The following NPAS3 variants were observed in gnomAD, a reference collection of about 807,000 sequenced individuals.
The protein encoded by NPAS3 is neuronal PAS domain-containing protein 3.
In NPAS3, 14 loss-of-function variants were observed where a neutral mutation model predicts 73.1. The ratio of observed to expected loss-of-function variants is 0.19; its 90% CI spans 0.13 to 0.30. The LOEUF is 0.30. Ranked by LOEUF, NPAS3 falls within the 10% of genes least tolerant of loss-of-function variation. The probability of loss-of-function intolerance (pLI) is 1.00; values close to 1 mark genes in which losing one functional copy is unlikely to be tolerated. For synonymous variants in NPAS3, 620 were observed against 541.5 expected (o/e 1.14, Z -2.01); for missense variants, 1,096 against 1,250.0 (o/e 0.88, Z 1.86).
intron 1 of NPAS3, among the ~76,000 whole-genome samples, chr14:32,950,031 G>T (rs2036420042): frequency 6.6e-6 from 1 of 151,912 alleles, no homozygotes; most frequent in Admixed American, 6.6e-5. Context: ...AATTAGTGTG[G>T]CAAAGAAATC....
chr14:33,251,509 A>G lies in NPAS3; in HGVS notation c.385+36083A>G, dbSNP rs1289346100. Among the ~76,000 whole-genome samples the G allele has an allele frequency of 2.0e-5, 3 of 152,052 alleles. No individual in the cohort carries two copies. The East Asian group carries it at 5.8e-4, about 29-fold the overall frequency. ...CTGGAGCCCAGTGAATGAAAAGGCA[A>G]TTCCTCTGAAATCATTCCAACTTTT... On this transcript the variant is annotated intron_variant, in intron 3 of 11. Coordinates refer to ENST00000356141, the Ensembl canonical transcript of NPAS3.
intron 4 of NPAS3, among the ~76,000 whole-genome samples, chr14:33,520,346 ATGT>A (rs2053500919): frequency 6.6e-6 from 1 of 151,972 alleles, no homozygotes; most frequent in Non-Finnish European, 1.5e-5. Flanking sequence ...TTAATCTCAG[ATGT>A]TGTGTGTGCC....
intron 1 of NPAS3, among the ~76,000 whole-genome samples, chr14:32,974,181 G>T (rs1358931497): frequency 1.3e-5 from 2 of 152,154 alleles, no homozygotes; most frequent in African/African-American, 2.4e-5. Context: ...AGTGACAAAA[G>T]AAGTTATTCT....
chr14:33,339,365 A>G (rs1042909003), intron 3 of NPAS3, among the ~76,000 whole-genome samples: 1 of 152,172 alleles, frequency 6.6e-6, no homozygotes, highest in Non-Finnish European at 1.5e-5. Flanking sequence ...TGGGCAAAGC[A>G]CAGTACAGCA....
chr14:33,784,721 T>TTTATTTATTTATTTA (rs2063089229), intron 9 of NPAS3, among the ~76,000 whole-genome samples: 2 of 104,068 alleles, frequency 1.9e-5, no homozygotes, highest in East Asian at 2.9e-4. Context: ...TTATTGTTAT[T>TTTATTTATTTATTTA]TTTATTTATT....
At chr14:33,635,348 A>C (rs1322247419) in intron 5 of NPAS3, among the ~76,000 whole-genome samples, 2 of 152,190 alleles carry the variant, frequency 1.3e-5, no homozygotes, top group African/African-American at 4.8e-5. Context: ...ATTGGATGTG[A>C]GGAAGTAGAG....
chr14:33,013,584 A>G (rs538530022), intron 1 of NPAS3, among the ~76,000 whole-genome samples: 116 of 152,278 alleles, frequency 7.6e-4, no homozygotes, highest in African/African-American at 2.6e-3. Context: ...AATCTTGTAA[A>G]CTTTTTATAC....
intron 4 of NPAS3, among the ~76,000 whole-genome samples, chr14:33,472,257 A>AG (rs1365861395): frequency 2.0e-5 from 3 of 152,204 alleles, no homozygotes; most frequent in African/African-American, 7.2e-5. Flanking sequence ...CAGGCAATGC[A>AG]GTGTGGCTGG....
chr14:33,009,650 G>A (rs1330882284), intron 1 of NPAS3, among the ~76,000 whole-genome samples: 1 of 152,124 alleles, frequency 6.6e-6, no homozygotes, highest in Non-Finnish European at 1.5e-5. Context: ...CAGGCAAGAT[G>A]CTAAGTGTTT....
chr14:32,983,971 C>A (rs556876334), intron 1 of NPAS3, among the ~76,000 whole-genome samples: 16 of 152,314 alleles, frequency 1.1e-4, no homozygotes, highest in African/African-American at 3.6e-4. Flanking sequence ...ATCTGCCCAC[C>A]TTGGCCTCCC....
chr14:33,448,362 G>C (rs1005073451), intron 4 of NPAS3, among the ~76,000 whole-genome samples: 1 of 152,168 alleles, frequency 6.6e-6, no homozygotes, highest in Non-Finnish European at 1.5e-5. Flanking sequence ...CTCTCTAAAA[G>C]ACAGTCCAAA....
intron 2 of NPAS3, among the ~76,000 whole-genome samples, chr14:33,131,934 T>C (rs1415995529): frequency 1.3e-5 from 2 of 152,088 alleles, no homozygotes; most frequent in African/African-American, 4.8e-5. Context: ...GCTGGTTCTT[T>C]AGGAAAATTA....
chr14:33,307,795 G>A (rs183236271), intron 3 of NPAS3, among the ~76,000 whole-genome samples: 10 of 152,092 alleles, frequency 6.6e-5, no homozygotes, highest in African/African-American at 2.4e-4. Flanking sequence ...CATCACTGAA[G>A]CATGCTGTTG....
chr14:32,990,987 T>A (rs2038311187), intron 1 of NPAS3, among the ~76,000 whole-genome samples: 1 of 151,530 alleles, frequency 6.6e-6, no homozygotes, highest in Non-Finnish European at 1.5e-5. Context: ...TTTGTCAAAG[T>A]TTGTTCTTGG....
At chr14:33,515,643 G>T (rs565328690) in intron 4 of NPAS3, among the ~76,000 whole-genome samples, 1 of 152,146 alleles carries the variant, frequency 6.6e-6, no homozygotes, top group East Asian at 1.9e-4. Context: ...ACAGGAAAAG[G>T]TTGCTGATCC....
chr14:33,544,210 A>C (rs1208498905), intron 4 of NPAS3, among the ~76,000 whole-genome samples: 1 of 151,946 alleles, frequency 6.6e-6, no homozygotes, highest in East Asian at 1.9e-4. Flanking sequence ...TGGCACCATC[A>C]TAGCTTGCTG....
intron 7 of NPAS3, among the ~76,000 whole-genome samples, chr14:33,744,156 C>G (rs943046564): frequency 6.6e-6 from 1 of 152,196 alleles, no homozygotes; most frequent in Non-Finnish European, 1.5e-5. Context: ...TTTGGCCAAT[C>G]TCAGCTTTCA....
At chr14:33,309,865 G>T (rs1479013594) in intron 3 of NPAS3, among the ~76,000 whole-genome samples, 1 of 152,318 alleles carries the variant, frequency 6.6e-6, no homozygotes, top group East Asian at 1.9e-4. Flanking sequence ...GGAGGTGGGG[G>T]AAGTAGTTGT....
intron 4 of NPAS3, among the ~76,000 whole-genome samples, chr14:33,464,718 T>G (rs1409384337): frequency 6.6e-6 from 1 of 152,164 alleles, no homozygotes; most frequent in Non-Finnish European, 1.5e-5. Context: ...ATGAGGATTG[T>G]TCTTTGATTT....
Sources: gnomAD v4.1 joint callset for allele counts (sites outside exome capture counted in the v4.1 genomes callset) on GRCh38, gnomAD v4.1.1 for gene constraint, MANE v1.5 for transcripts, NCBI Gene and HGNC (gene_info 2026-07-23, HGNC 2026-07-21) for gene names.